Variants in CRYBA4 observed in about 807,000 individuals in gnomAD.
The protein encoded by CRYBA4 is crystallin beta A4.
Under a neutral mutation model 31.7 loss-of-function variants are expected in CRYBA4, and 30 were observed. That is an observed-to-expected ratio of 0.95 (90% CI 0.71 to 1.28). The LOEUF (loss-of-function observed/expected upper bound fraction) is 1.28, where lower values mean the gene tolerates loss of function less well. Ranked by LOEUF, CRYBA4 falls within the 50% of genes most tolerant of loss-of-function variation. The pLI, the probability that CRYBA4 is intolerant of heterozygous loss-of-function variation, is 0.00. For synonymous variants in CRYBA4, 102 were observed against 102.3 expected (o/e 1.00, Z 0.02); for missense variants, 225 against 260.7 (o/e 0.86, Z 0.94).
At chr22:26,595,143 T>C in the CRYBA4 span, among the ~76,000 whole-genome samples, 33 of 152,260 alleles carry the variant, frequency 2.2e-4, no homozygotes, top group African/African-American at 8.0e-4. Flanking sequence ...CCTTTGTTAT[T>C]ACAAGGCATT....
the CRYBA4 span, among the ~76,000 whole-genome samples, chr22:26,604,002 A>G: frequency 1.3e-5 from 2 of 152,212 alleles, no homozygotes; most frequent in Non-Finnish European, 2.9e-5. Flanking sequence ...CTTATTTTTA[A>G]TGCTTTCATG....
chr22:26,598,958 T>C, the CRYBA4 span, among the ~76,000 whole-genome samples: 2 of 152,168 alleles, frequency 1.3e-5, no homozygotes, highest in Non-Finnish European at 2.9e-5. Flanking sequence ...GCTAACTGTG[T>C]GACCTTGGGA....
At chr22:26,615,633 C>T in the CRYBA4 span, among the ~76,000 whole-genome samples, 2 of 152,156 alleles carry the variant, frequency 1.3e-5, no homozygotes, top group East Asian at 3.9e-4. Flanking sequence ...CCTGCCTCAG[C>T]CTCCCAAGTA....
At chr22:26,595,047 C>T in the CRYBA4 span, among the ~76,000 whole-genome samples, 879 of 152,332 alleles carry the variant, frequency 5.8e-3, 4 homozygotes, top group Non-Finnish European at 7.6e-3. Flanking sequence ...GTCACACTCA[C>T]TCTCAGCCTT....
the CRYBA4 span, chr22:26,602,096 G>C: frequency 1.3e-6 from 2 of 1,576,296 alleles, no homozygotes; most frequent in South Asian, 1.1e-5. Context: ...GGGGCCTTCT[G>C]GGTGTGGAGC....
In CRYBA4 at chr22:26,625,517, G is replaced by C; in HGVS notation, c.195G>C (p.Gln65His). Reference sequence around the variant, plus strand: ...TTGAGCATGCTGGCTTCCAAGGGCAGCAGTACATTCTGGAACGAGGCGAAT... The same window carrying C: ...TTGAGCATGCTGGCTTCCAAGGGCACCAGTACATTCTGGAACGAGGCGAAT... ...VGFEHAGFQG[Q>H]QYILERGEYP... Residue 65 changes from glutamine to histidine, a missense_variant, in exon 4 of 6, where the codon CAG becomes CAC. Coordinates refer to ENST00000354760, the MANE Select transcript of CRYBA4 (RefSeq NM_001886.3). The C allele has an allele frequency of 6.2e-7, 1 of 1,614,060 alleles. No individual in the cohort carries two copies. Among genetic ancestry groups the C allele is most frequent in the South Asian group, 1.1e-5 (1 of 91,086 alleles).
the CRYBA4 span, among the ~76,000 whole-genome samples, chr22:26,612,848 C>T: frequency 3.3e-5 from 5 of 152,198 alleles, no homozygotes; most frequent in Non-Finnish European, 5.9e-5. Context: ...GGCTCAGGTG[C>T]CACCTTCTCC....
At chr22:26,628,872 C>T (rs972331342) in intron 5 of CRYBA4, among the ~76,000 whole-genome samples, 11 of 152,186 alleles carry the variant, frequency 7.2e-5, no homozygotes, top group Non-Finnish European at 1.2e-4. Context: ...ATTGGTCCAG[C>T]TGGGTCCTGT....
At chr22:26,600,972 C>T in the CRYBA4 span, among the ~76,000 whole-genome samples, 1 of 152,226 alleles carries the variant, frequency 6.6e-6, no homozygotes, top group Non-Finnish European at 1.5e-5. Context: ...AAGTAAGTTC[C>T]TTGAAGGTAG....
chr22:26,616,204 A>C, the CRYBA4 span: 1 of 1,613,782 alleles, frequency 6.2e-7, no homozygotes, highest in Non-Finnish European at 8.5e-7. Flanking sequence ...TGTTGGGGCC[A>C]GGGTAGTGCC....
chr22:26,602,225 G>A, the CRYBA4 span, among the ~76,000 whole-genome samples: 2 of 152,132 alleles, frequency 1.3e-5, no homozygotes, highest in Non-Finnish European at 2.9e-5. Flanking sequence ...TCCTCGTGAG[G>A]ATGAAATGAG....
chr22:26,625,751 C>T (rs1602340394), intron 4 of CRYBA4, 129 bp downstream of exon 4: 1 of 873,460 alleles, frequency 1.1e-6, no homozygotes, highest in East Asian at 2.4e-5. Flanking sequence ...TGTTCAGTCT[C>T]TTTCCTCTCC....
At chr22:26,627,761 G>T (rs916645997) in intron 4 of CRYBA4, among the ~76,000 whole-genome samples, 2 of 151,728 alleles carry the variant, frequency 1.3e-5, no homozygotes, top group Non-Finnish European at 2.9e-5. Context: ...CGATTCTCCT[G>T]CCTCAGTCTC....
intron 4 of CRYBA4, among the ~76,000 whole-genome samples, chr22:26,627,426 T>TTCCTTCTTTC (rs1431636604): frequency 2.5e-4 from 19 of 75,350 alleles, no homozygotes; most frequent in African/African-American, 1.5e-3. Flanking sequence ...CTTTCTTTCT[T>TTCCTTCTTTC]TTTCTTTCTT....
At chr22:26,594,893 T>C in the CRYBA4 span, among the ~76,000 whole-genome samples, 43 of 152,292 alleles carry the variant, frequency 2.8e-4, no homozygotes, top group South Asian at 7.5e-3. Context: ...CCTGATGAAA[T>C]GAAACCTTAG....
At chr22:26,593,880 A>G in the CRYBA4 span, among the ~76,000 whole-genome samples, 1 of 152,146 alleles carries the variant, frequency 6.6e-6, no homozygotes. Context: ...TATAATTATT[A>G]TATTCAAGCT....
At chr22:26,628,210 G>A (rs1345667471) in intron 4 of CRYBA4, 78 bp from the exon 5 acceptor site, 4 of 1,600,936 alleles carry the variant, frequency 2.5e-6, no homozygotes, top group Non-Finnish European at 3.4e-6. Flanking sequence ...ACAAGGGCAG[G>A]GAGTGTGGAG....
upstream of CRYBA4, among the ~76,000 whole-genome samples, chr22:26,618,746 G>GC (rs980578395): frequency 5.3e-5 from 8 of 152,208 alleles, no homozygotes; most frequent in Admixed American, 5.2e-4. Context: ...TTGGCCTGAG[G>GC]CCCCCTGGCC....
chr22:26,593,264 A>G, the CRYBA4 span, among the ~76,000 whole-genome samples: 4 of 152,234 alleles, frequency 2.6e-5, no homozygotes, highest in Non-Finnish European at 4.4e-5. Context: ...CAGGAAGAAT[A>G]GATGTAGCAT....
Sources: allele counts gnomAD v4.1 joint callset (sites outside exome capture counted in the v4.1 genomes callset), GRCh38; gene constraint gnomAD v4.1.1; transcripts MANE v1.5; gene names NCBI Gene and HGNC (gene_info 2026-07-23, HGNC 2026-07-21).